Variants in DLGAP2 observed in about 807,000 individuals in gnomAD.
DLGAP2 encodes the protein DLG associated protein 2.
In DLGAP2, 26 loss-of-function variants were observed where a neutral mutation model predicts 100.3. The observed-to-expected ratio is 0.26, with a 90% CI of 0.19 to 0.36. The LOEUF is 0.36. Ranked by LOEUF, DLGAP2 falls within the 10% of genes least tolerant of loss-of-function variation. DLGAP2 has a pLI of 1.00. For synonymous variants in DLGAP2, 886 were observed against 630.1 expected (o/e 1.41, Z -6.08); for missense variants, 1,858 against 1,453.2 (o/e 1.28, Z -4.53).
At chr8:836,164 T>C (rs1271853003) in intron 1 of DLGAP2, among the ~76,000 whole-genome samples, 1 of 152,188 alleles carries the variant, frequency 6.6e-6, no homozygotes, top group East Asian at 1.9e-4. Flanking sequence ...TCCTGCAGTG[T>C]CAGGAAAAGC....
chr8:1,582,989 C>A (rs1354882616), intron 6 of DLGAP2, among the ~76,000 whole-genome samples: 5 of 152,188 alleles, frequency 3.3e-5, no homozygotes, highest in African/African-American at 1.2e-4. Context: ...GAAATTCTTA[C>A]AGCCATGCAG....
chr8:1,408,706 A>T (rs1025461681), intron 3 of DLGAP2, among the ~76,000 whole-genome samples: 1 of 152,176 alleles, frequency 6.6e-6, no homozygotes, highest in Non-Finnish European at 1.5e-5. Context: ...CTTTCACAGG[A>T]CAGTGCAGAG....
At chr8:820,597 C>T (rs763600593) in intron 1 of DLGAP2, among the ~76,000 whole-genome samples, 2 of 152,164 alleles carry the variant, frequency 1.3e-5, no homozygotes, top group African/African-American at 2.4e-5. Context: ...CAGTGAGAAA[C>T]TATTTTTTTC....
At chr8:1,307,493 T>C (rs1392583806) in intron 3 of DLGAP2, among the ~76,000 whole-genome samples, 1 of 152,214 alleles carries the variant, frequency 6.6e-6, no homozygotes, top group Non-Finnish European at 1.5e-5. Context: ...GGAATTTTCC[T>C]ATGCCCCAGA....
intron 2 of DLGAP2, among the ~76,000 whole-genome samples, chr8:1,206,909 C>G (rs186244017): frequency 1.2e-3 from 180 of 152,278 alleles, no homozygotes; most frequent in African/African-American, 4.2e-3. Flanking sequence ...CCGGCCCCGT[C>G]TCCATCCACA....
At chr8:780,487 C>T (rs758410682) in intron 1 of DLGAP2, among the ~76,000 whole-genome samples, 1 of 152,212 alleles carries the variant, frequency 6.6e-6, no homozygotes, top group Non-Finnish European at 1.5e-5. Flanking sequence ...ATCTCACACC[C>T]AGAAGTGGGA....
intron 2 of DLGAP2, among the ~76,000 whole-genome samples, chr8:1,201,767 C>T (rs73670669): frequency 3.3e-5 from 5 of 152,204 alleles, no homozygotes; most frequent in Non-Finnish European, 4.4e-5. Context: ...CCTCCCTCAT[C>T]ACCAGGCAGC....
chr8:1,702,381 A>G lies in DLGAP2; in HGVS notation c.*975A>G, dbSNP rs1350414970. On this transcript the variant is annotated 3_prime_UTR_variant, in exon 15 of 15. Transcript: ENST00000637795. ...TATCCTTAAAAAAAAACACACACGA[A>G]AAACAAAAGTTTGCTTGTTTAAAAT... 6.6e-6 allele frequency: 1 copy of G among 152,646 alleles called. No homozygotes were observed. The highest frequency in any genetic ancestry group is 2.4e-5 in the African/African-American group (1 of 41,462). The allele number at this position is 152,646 out of a possible 1,614,324, so 9.5% of individuals were successfully genotyped here.
chr8:1,577,896 G>A (rs1350132354), intron 6 of DLGAP2, among the ~76,000 whole-genome samples: 1 of 152,254 alleles, frequency 6.6e-6, no homozygotes, highest in Non-Finnish European at 1.5e-5. Flanking sequence ...TGCCTCCGAG[G>A]TGCCACTGGC....
At chr8:877,698 C>T (rs566530312) in intron 1 of DLGAP2, among the ~76,000 whole-genome samples, 2 of 152,216 alleles carry the variant, frequency 1.3e-5, no homozygotes, top group South Asian at 4.1e-4. Context: ...TCACCTGTGT[C>T]TTGAATCTCT....
At position 1,349,280 on chromosome 8, in the gene DLGAP2, C is replaced by T. The variant is rs78894064; in HGVS notation, c.106+90397C>T. Among the ~76,000 whole-genome samples, 182 of 149,546 alleles carry T rather than the reference C, an allele frequency of 1.2e-3. 1 individual carries two copies. In the East Asian group the frequency reaches 0.016, roughly 13 times the overall value. On this transcript the variant is annotated intron_variant, in intron 3 of 14. Coordinates refer to ENST00000637795, the MANE Select transcript of DLGAP2 (RefSeq NM_001346810.2). ...TGAGGGGGCACTATCACGAGCCTCC[C>T]GCCGACATCCACACATGTCATGAGC...
intron 2 of DLGAP2, among the ~76,000 whole-genome samples, chr8:1,181,445 CTTT>C (rs1477796978): frequency 1.3e-5 from 2 of 152,104 alleles, no homozygotes; most frequent in South Asian, 2.1e-4. Flanking sequence ...TGATCTCATT[CTTT>C]TTAGTGGCTG....
chr8:1,000,721 G>A (rs934891752), intron 2 of DLGAP2, among the ~76,000 whole-genome samples: 3 of 152,142 alleles, frequency 2.0e-5, no homozygotes, highest in African/African-American at 7.2e-5. Context: ...TATTTTTGTA[G>A]CCTTGATCTT....
Position 1,420,176 on chromosome 8 carries a change from G to A in DLGAP2, c.107-81190G>A, listed in dbSNP as rs545938764. 3.2e-4 allele frequency among the ~76,000 whole-genome samples: 48 copies of A among 152,166 alleles called. 1 individual carries two copies. Among genetic ancestry groups the A allele is most frequent in the Admixed American group, 2.2e-3 (33 of 15,284 alleles). ...TCACAAGGCTAGTTCCCTGAGGACT[G>A]CCTTATCCTGAGGCTCTCCAGGGTC... On this transcript the variant is annotated intron_variant, in intron 3 of 14. Coordinates refer to ENST00000637795, the MANE Select transcript of DLGAP2 (RefSeq NM_001346810.2).
chr8:1,252,749 G>C (rs1042886519), intron 2 of DLGAP2, among the ~76,000 whole-genome samples: 1 of 152,278 alleles, frequency 6.6e-6, no homozygotes. Context: ...GTCATCTAGA[G>C]CTCCTGTTGA....
intron 5 of DLGAP2, among the ~76,000 whole-genome samples, chr8:1,561,328 C>T (rs1011584051): frequency 3.1e-4 from 47 of 152,228 alleles, no homozygotes; most frequent in Non-Finnish European, 6.2e-4. Context: ...TCCCTTTCAG[C>T]GCGGTCTGTA....
intron 3 of DLGAP2, among the ~76,000 whole-genome samples, chr8:1,334,331 C>T (rs1048530763): frequency 6.6e-6 from 1 of 152,214 alleles, no homozygotes; most frequent in Admixed American, 6.5e-5. Context: ...ACCCAGCGTT[C>T]CTGGCGTCGG....
intron 6 of DLGAP2, among the ~76,000 whole-genome samples, chr8:1,584,242 G>A (rs1031572368): frequency 2.0e-5 from 3 of 152,132 alleles, no homozygotes; most frequent in African/African-American, 7.2e-5. Flanking sequence ...TGCTATTAGC[G>A]ACGCCGATAA....
chr8:737,745 C>T lies in DLGAP2; in HGVS notation c.-63C>T, dbSNP rs934079180. On this transcript the variant is annotated 5_prime_UTR_variant, in exon 1 of 15. Transcript: ENST00000637795. ...CCAACCCGCGAGCCCCGGGAGCCGT[C>T]GGTCTGAGGAGGGGCCGCTTCGCCA... 5.3e-6 allele frequency: 2 copies of T among 376,114 alleles called. No individual in the cohort carries two copies. The highest frequency in any genetic ancestry group is 9.5e-6 in the Non-Finnish European group (2 of 211,354). The allele number at this position is 376,114 out of a possible 1,614,324, so 23.3% of individuals were successfully genotyped here. A position where few individuals can be genotyped will look rare whatever the true frequency, so the allele number is the denominator to read the frequency against.
Sources: allele counts gnomAD v4.1 joint callset (sites outside exome capture counted in the v4.1 genomes callset), GRCh38; gene constraint gnomAD v4.1.1; transcripts MANE v1.5; gene names NCBI Gene and HGNC (gene_info 2026-07-23, HGNC 2026-07-21).